PATJ: variants seen among roughly 807,000 people sequenced by gnomAD.
PATJ encodes the protein inaD-like protein.
In PATJ, 190 loss-of-function variants were observed where a neutral mutation model predicts 224.9. That is an observed-to-expected ratio of 0.84 (90% CI 0.75 to 0.95). The LOEUF is 0.95. Among genes scored for constraint, PATJ ranks in the 40% least tolerant of loss-of-function variants. The probability of loss-of-function intolerance (pLI) is 0.00; values close to 1 mark genes in which losing one functional copy is unlikely to be tolerated. For missense variants in PATJ, 2,121 were observed against 2,270.3 expected (o/e 0.93, Z 1.34); for synonymous variants, 769 against 820.3 (o/e 0.94, Z 1.07).
chr1:61,866,194 A>G (rs1665396626), intron 20 of PATJ, among the ~76,000 whole-genome samples: 1 of 152,224 alleles, frequency 6.6e-6, no homozygotes, highest in African/African-American at 2.4e-5. Context: ...AATTGGAAAG[A>G]TTACTGAATA....
chr1:61,771,018 T>C (rs1646572387), intron 5 of PATJ, among the ~76,000 whole-genome samples: 1 of 151,892 alleles, frequency 6.6e-6, no homozygotes, highest in African/African-American at 2.4e-5. Context: ...ACAGTGAAGA[T>C]GGGGTGAGAG....
intron 41 of PATJ, among the ~76,000 whole-genome samples, chr1:62,131,544 AG>A (rs1666262828): frequency 6.6e-6 from 1 of 152,126 alleles, no homozygotes; most frequent in East Asian, 1.9e-4. Context: ...GCTACTCAGG[AG>A]GCTAAGGCAG....
chr1:61,977,910 T>A (rs917415245), intron 27 of PATJ, among the ~76,000 whole-genome samples: 26 of 150,104 alleles, frequency 1.7e-4, no homozygotes, highest in African/African-American at 3.5e-4. Context: ...CTTAAAAAAA[T>A]TTTTTTAATA....
At chr1:62,037,528 T>C (rs553017283) in intron 29 of PATJ, among the ~76,000 whole-genome samples, 1 of 152,298 alleles carries the variant, frequency 6.6e-6, no homozygotes, top group Admixed American at 6.5e-5. Context: ...ATCCTTCATT[T>C]GGCAAAACAA....
At chr1:62,142,865 T>C (rs1558229092) in intron 41 of PATJ, among the ~76,000 whole-genome samples, 2 of 152,130 alleles carry the variant, frequency 1.3e-5, no homozygotes, top group African/African-American at 2.4e-5. Context: ...GAGGGAACTT[T>C]ATATGCATAA....
intron 7 of PATJ, among the ~76,000 whole-genome samples, chr1:61,780,512 A>G (rs1557632332): frequency 6.6e-6 from 1 of 152,190 alleles, no homozygotes. Flanking sequence ...GCACAACACA[A>G]TATTCTTTAA....
At chr1:61,890,697 A>G (rs980282822) in intron 22 of PATJ, among the ~76,000 whole-genome samples, 27 of 151,902 alleles carry the variant, frequency 1.8e-4, no homozygotes, top group Admixed American at 1.3e-3. Context: ...AGATCTCACT[A>G]TGTTACCCAG....
chr1:61,962,695 C>A (rs981465457), intron 27 of PATJ, among the ~76,000 whole-genome samples: 2 of 152,152 alleles, frequency 1.3e-5, no homozygotes, highest in Non-Finnish European at 2.9e-5. Context: ...TGAAGACACC[C>A]CAAAATAACA....
chr1:61,853,152 A>C (rs752894868), intron 17 of PATJ, among the ~76,000 whole-genome samples: 9 of 152,166 alleles, frequency 5.9e-5, no homozygotes, highest in Non-Finnish European at 8.8e-5. Context: ...TTGAGGTCTA[A>C]AGAAGGCCTC....
rs111493237 is a variant in PATJ at position 61,804,771 on chromosome 1, G to A, written c.1550-677G>A. The stretch of plus-strand genomic sequence containing the variant: ...GGCAAGACACTTAAAATCTGTTTTG[G>A]CACTGTAAAATTATCTATGCAACAA... On this transcript the variant is annotated intron_variant, in intron 12 of 43. Transcript: ENST00000642238. Among the ~76,000 whole-genome samples, 242 of 152,170 alleles carry A rather than the reference G, an allele frequency of 1.6e-3. 1 individual carries two copies. Among genetic ancestry groups the A allele is most frequent in the Non-Finnish European group, 2.9e-3 (196 of 67,986 alleles).
At chr1:61,990,093 G>A (rs1366915712) in intron 27 of PATJ, 75 bp from the exon 28 acceptor site, 1 of 1,090,842 alleles carries the variant, frequency 9.2e-7, no homozygotes, top group Non-Finnish European at 1.3e-6. Flanking sequence ...ATCACAGTAA[G>A]GATGGGGAAA....
intron 33 of PATJ, chr1:62,100,292 A>G (rs1352078587): frequency 1.4e-6 from 1 of 703,794 alleles, no homozygotes; most frequent in Admixed American, 2.1e-5. Flanking sequence ...GTAATTTATT[A>G]AAAAAAGAAT....
At chr1:62,088,800 A>G (rs1260344758) in intron 33 of PATJ, among the ~76,000 whole-genome samples, 2 of 148,730 alleles carry the variant, frequency 1.3e-5, no homozygotes, top group Non-Finnish European at 3.0e-5. Flanking sequence ...ACAGTAGAAT[A>G]TATATATATA....
intron 14 of PATJ, among the ~76,000 whole-genome samples, chr1:61,814,392 C>A (rs1340772040): frequency 2.0e-5 from 3 of 152,070 alleles, no homozygotes; most frequent in Non-Finnish European, 4.4e-5. Flanking sequence ...ATCCGCCCAC[C>A]TTGGCCTCCC....
chr1:61,859,816 C>T (rs1480266339), intron 18 of PATJ, among the ~76,000 whole-genome samples: 1 of 152,124 alleles, frequency 6.6e-6, no homozygotes, highest in Admixed American at 6.6e-5. Context: ...GACAGTGTTT[C>T]TCCAGGCTGG....
chr1:61,986,816 T>C (rs1275389886), intron 27 of PATJ, among the ~76,000 whole-genome samples: 2 of 152,214 alleles, frequency 1.3e-5, no homozygotes, highest in Non-Finnish European at 2.9e-5. Context: ...TCAGAATGCA[T>C]TTTTATTTTG....
chr1:61,753,785 C>T (rs1013544494), intron 1 of PATJ, among the ~76,000 whole-genome samples: 2 of 151,804 alleles, frequency 1.3e-5, no homozygotes, highest in African/African-American at 2.4e-5. Flanking sequence ...GCTGAGATTA[C>T]AGGCATGAGC....
intron 41 of PATJ, among the ~76,000 whole-genome samples, chr1:62,133,629 G>C (rs1008865149): frequency 2.0e-5 from 3 of 152,212 alleles, no homozygotes; most frequent in African/African-American, 4.8e-5. Context: ...TTGAAAAGCA[G>C]CTAAACAGAT....
At chr1:61,944,736 A>T (rs914112242) in intron 27 of PATJ, among the ~76,000 whole-genome samples, 2 of 152,200 alleles carry the variant, frequency 1.3e-5, no homozygotes, top group African/African-American at 4.8e-5. Flanking sequence ...CACCACAAAG[A>T]TACTCCTCAA....
Sources: gnomAD v4.1 joint callset for allele counts (sites outside exome capture counted in the v4.1 genomes callset) on GRCh38, gnomAD v4.1.1 for gene constraint, MANE v1.5 for transcripts, NCBI Gene and HGNC (gene_info 2026-07-23, HGNC 2026-07-21) for gene names.